The following PCDH11X variants were observed in gnomAD, a reference collection of about 807,000 sequenced individuals.
PCDH11X encodes protocadherin-11 X-linked.
PCDH11X carries 18 observed loss-of-function variants against 53.3 expected under a neutral mutation model. The observed-to-expected ratio is 0.34, with a 90% CI of 0.23 to 0.50. The LOEUF is 0.50. PCDH11X is among the 20% of genes least tolerant of loss of function. The pLI is 0.98. For missense variants in PCDH11X, 570 were observed against 1,032.4 expected (o/e 0.55, Z 6.14); for synonymous variants, 279 against 393.3 (o/e 0.71, Z 3.44).
rs775716243 is a variant in PCDH11X at position 91,973,011 on chromosome X, C to A, written c.3033+93738C>A. 8.4e-3 allele frequency among the ~76,000 whole-genome samples: 921 copies of A among 109,951 alleles called. 10 individuals carry two copies. Among genetic ancestry groups the A allele is most frequent in the African/African-American group, 0.029 (888 of 30,150 alleles). On this transcript the variant is annotated intron_variant, in intron 6 of 10. Coordinates refer to ENST00000682573, the MANE Select transcript of PCDH11X (RefSeq NM_032968.5). ...CACGTATGTTTATTGTGGCATTATTCACAATAGCAAAGACTTGGAACCAAC... is the reference window on the plus strand; with the variant it reads ...CACGTATGTTTATTGTGGCATTATTAACAATAGCAAAGACTTGGAACCAAC...
chrX:92,152,845 T>C (rs1428455602), intron 6 of PCDH11X, among the ~76,000 whole-genome samples: 3 of 110,948 alleles, frequency 2.7e-5, no homozygotes, highest in Non-Finnish European at 5.7e-5. Context: ...TCGCCCAGGC[T>C]GGAGTGCAGT....
intron 6 of PCDH11X, among the ~76,000 whole-genome samples, chrX:91,944,079 A>C (rs1485543202): frequency 2.6e-5 from 2 of 77,330 alleles, no homozygotes; most frequent in East Asian, 1.2e-3. Context: ...GCTCTTGTTC[A>C]GTGCTTAATA....
At chrX:91,829,211 T>G (rs184643758) in intron 4 of PCDH11X, among the ~76,000 whole-genome samples, 2,551 of 109,398 alleles carry the variant, frequency 0.023, 97 homozygotes, top group African/African-American at 0.083. Context: ...TGTTTTCCTG[T>G]ACTGTTTTAT....
intron 6 of PCDH11X, among the ~76,000 whole-genome samples, chrX:92,141,676 T>A (rs1394890690): frequency 8.9e-6 from 1 of 111,941 alleles, no homozygotes; most frequent in Non-Finnish European, 1.9e-5. Flanking sequence ...GTGCTTTAGT[T>A]TAACCAATTA....
chrX:91,929,266 A>T (rs886160553), intron 6 of PCDH11X, among the ~76,000 whole-genome samples: 1 of 110,840 alleles, frequency 9.0e-6, no homozygotes, highest in African/African-American at 3.3e-5. Flanking sequence ...GTTATAATTA[A>T]CATATTATAT....
At chrX:91,825,242 G>T (rs1181430182) in intron 4 of PCDH11X, among the ~76,000 whole-genome samples, 11 of 109,637 alleles carry the variant, frequency 1.0e-4, no homozygotes. Context: ...ACCTAAGGAA[G>T]CCTGGGCAAT....
intron 6 of PCDH11X, chrX:92,113,643 G>C (rs1297684502): frequency 3.3e-6 from 4 of 1,199,227 alleles, no homozygotes; most frequent in Non-Finnish European, 4.5e-6. Context: ...TGACTGCCTG[G>C]GTGATGGTCA....
chrX:92,156,357 T>G (rs1370412565), intron 6 of PCDH11X, among the ~76,000 whole-genome samples: 1 of 110,001 alleles, frequency 9.1e-6, no homozygotes, highest in Non-Finnish European at 1.9e-5. Context: ...CACATGATAT[T>G]TATACGATGC....
At chrX:92,359,496 G>A (rs1243074284) in intron 8 of PCDH11X, among the ~76,000 whole-genome samples, 4 of 109,473 alleles carry the variant, frequency 3.7e-5, no homozygotes, top group Admixed American at 9.9e-5. Context: ...TTAAACTTTA[G>A]TTTAAAGCAA....
At chrX:92,537,127 C>A (rs1358167544) in intron 10 of PCDH11X, among the ~76,000 whole-genome samples, 1 of 110,666 alleles carries the variant, frequency 9.0e-6, no homozygotes, top group East Asian at 2.8e-4. Context: ...CAAATATTTT[C>A]TCCCATTTTG....
At chrX:92,523,693 C>T (rs2074402652) in intron 10 of PCDH11X, among the ~76,000 whole-genome samples, 1 of 111,648 alleles carries the variant, frequency 9.0e-6, no homozygotes, top group Non-Finnish European at 1.9e-5. Flanking sequence ...GTAATGAACA[C>T]TTATCTTTTC....
At position 92,420,622 on chromosome X, in the gene PCDH11X, C is replaced by T. The variant is rs945011676; in HGVS notation, c.3343+32689C>T. The T allele has an allele frequency of 1.2e-4, 33 of 272,523 alleles. No homozygotes were observed. In the Admixed American group the frequency reaches 1.3e-3, roughly 11 times the overall value. The allele number at this position is 272,523 out of a possible 1,213,427, so 22.5% of individuals were successfully genotyped here. A position where few individuals can be genotyped will look rare whatever the true frequency, so the allele number is the denominator to read the frequency against. Reference sequence around the variant, plus strand: ...TTCTTTCATCATTTTAAGATACCATCTCACTATTTTCTGGCCTTCATGGCT... The same window carrying T: ...TTCTTTCATCATTTTAAGATACCATTTCACTATTTTCTGGCCTTCATGGCT... On this transcript the variant is annotated intron_variant, in intron 9 of 10. Coordinates refer to ENST00000682573, the MANE Select transcript of PCDH11X (RefSeq NM_032968.5).
At chrX:92,222,566 A>G (rs2066901955) in intron 7 of PCDH11X, among the ~76,000 whole-genome samples, 1 of 111,889 alleles carries the variant, frequency 8.9e-6, no homozygotes, top group African/African-American at 3.3e-5. Context: ...AGTAACATAA[A>G]GTTGTTGGAA....
At chrX:92,184,939 G>A (rs145199746) in intron 6 of PCDH11X, among the ~76,000 whole-genome samples, 2,368 of 111,073 alleles carry the variant, frequency 0.021, 22 homozygotes, top group Non-Finnish European at 0.033. Context: ...ATAATATATA[G>A]TATAAGTAAG....
intron 6 of PCDH11X, among the ~76,000 whole-genome samples, chrX:92,093,017 C>A (rs1352610039): frequency 9.0e-6 from 1 of 111,590 alleles, no homozygotes; most frequent in Admixed American, 9.6e-5. Context: ...ACCACTCACT[C>A]TCTTCCTCCT....
At chrX:92,104,514 G>A (rs1433554526) in intron 6 of PCDH11X, among the ~76,000 whole-genome samples, 3 of 111,271 alleles carry the variant, frequency 2.7e-5, no homozygotes, top group Non-Finnish European at 5.6e-5. Context: ...TTGCAGGATG[G>A]AAAAATTGAA....
At chrX:91,974,218 TTAGA>T (rs1339545500) in intron 6 of PCDH11X, among the ~76,000 whole-genome samples, 5 of 110,940 alleles carry the variant, frequency 4.5e-5, no homozygotes, top group Admixed American at 1.9e-4. Context: ...CATGATTTAC[TTAGA>T]TATTTATATA....
chrX:91,850,194 A>C (rs1268142297), intron 5 of PCDH11X, among the ~76,000 whole-genome samples: 1 of 110,885 alleles, frequency 9.0e-6, no homozygotes, highest in East Asian at 2.8e-4. Context: ...AAGTCAAACC[A>C]AATAGGTGTG....
At chrX:92,220,671 C>T (rs1438550138) in intron 7 of PCDH11X, among the ~76,000 whole-genome samples, 1 of 110,372 alleles carries the variant, frequency 9.1e-6, no homozygotes, top group African/African-American at 3.3e-5. Context: ...ACTAGAAATA[C>T]CATTTGACCC....
Sources: allele counts gnomAD v4.1 joint callset (sites outside exome capture counted in the v4.1 genomes callset), GRCh38; gene constraint gnomAD v4.1.1; transcripts MANE v1.5; gene names NCBI Gene and HGNC (gene_info 2026-07-23, HGNC 2026-07-21).